The following FAT4 variants were observed in gnomAD, a reference collection of about 807,000 sequenced individuals.
The protein encoded by FAT4 is FAT atypical cadherin 4.
In FAT4, 84 loss-of-function variants were observed where a neutral mutation model predicts 303.9. That is an observed-to-expected ratio of 0.28 (90% CI 0.23 to 0.33). The LOEUF is 0.33. FAT4 is among the 10% of genes least tolerant of loss of function. The pLI, the probability that FAT4 is intolerant of heterozygous loss-of-function variation, is 1.00. For synonymous variants in FAT4, 2,307 were observed against 2,298.8 expected, an observed-to-expected ratio of 1.00 and a Z score of -0.10; for missense variants, 6,005 against 6,146.8, an observed-to-expected ratio of 0.98 and a Z score of 0.77.
chr4:125,439,615 A>C (rs1427225456), intron 8 of FAT4, among the ~76,000 whole-genome samples: 1 of 152,064 alleles, frequency 6.6e-6, no homozygotes, highest in Non-Finnish European at 1.5e-5. Flanking sequence ...CTGGGATTAC[A>C]GGCGTGAGCC....
At chr4:125,366,640 G>A (rs1732897417) in intron 2 of FAT4, among the ~76,000 whole-genome samples, 1 of 152,118 alleles carries the variant, frequency 6.6e-6, no homozygotes, top group African/African-American at 2.4e-5. Context: ...TGGGTTGAAT[G>A]GTATTTCTGT....
At chr4:125,353,805 C>T (rs1344284275) in intron 2 of FAT4, among the ~76,000 whole-genome samples, 2 of 151,446 alleles carry the variant, frequency 1.3e-5, no homozygotes, top group Non-Finnish European at 3.0e-5. Flanking sequence ...CTGAAAAATT[C>T]CAAATGAAGA....
intron 13 of FAT4, 36 bp downstream of exon 13, chr4:125,476,292 T>C: frequency 8.7e-7 from 1 of 1,143,410 alleles, no homozygotes; most frequent in South Asian, 1.6e-5. Flanking sequence ...TTATTATTAC[T>C]TAAAATTTTT....
At position 125,450,950 on chromosome 4, in the gene FAT4, C is replaced by T. The variant is rs1225250567; in HGVS notation, c.9940C>T (p.Pro3314Ser). 4 of 1,613,956 alleles carry T rather than the reference C, an allele frequency of 2.5e-6. No individual in the cohort carries two copies. The African/African-American group carries it at 4.0e-5, about 16-fold the overall frequency. The change falls in exon 10 of 18, where the codon CCT (proline) becomes TCT (serine). Residue 3314 changes from proline (P) to serine (S), a missense_variant. Coordinates refer to ENST00000394329, the MANE Select transcript of FAT4 (RefSeq NM_001291303.3). Reference sequence around the variant, plus strand: ...CTATTTTGAAATCTCAGAAGCAGCTCCTAAAGGTACTATTGTTGGAGAAGT... The same window carrying T: ...CTATTTTGAAATCTCAGAAGCAGCTTCTAAAGGTACTATTGTTGGAGAAGT... ...LYYFEISEAA[P>S]KGTIVGEVFA...
chr4:125,382,257 C>G (rs1012439352), intron 2 of FAT4, among the ~76,000 whole-genome samples: 5 of 152,136 alleles, frequency 3.3e-5, no homozygotes, highest in Admixed American at 2.6e-4. Context: ...TCAGAGAAAT[C>G]ACTATCTATG....
rs398122957 is a variant in FAT4 at position 125,452,471 on chromosome 4, C to T, written c.11461C>T (p.Arg3821Ter). The T allele has an allele frequency of 6.2e-7, 1 of 1,613,950 alleles. No individual in the cohort carries two copies. Among genetic ancestry groups the T allele is most frequent in the East Asian group, 2.2e-5 (1 of 44,858 alleles). ...ATGTCAGAATGGAGGGAGCTGTCTA[C>T]GAAGATTGGCTGTGAGCTCCGTATT... The part of the protein sequence containing the change: ...GPCQNGGSCL[R>*]RLAVSSVLKS... Residue 3821 changes from arginine (R) to a stop codon, truncating the protein, a stop_gained, in exon 10 of 18, where the codon CGA (arginine) becomes TGA (stop). Coordinates refer to ENST00000394329, the MANE Select transcript of FAT4 (RefSeq NM_001291303.3). LOFTEE classifies it high-confidence loss of function.
intron 2 of FAT4, among the ~76,000 whole-genome samples, chr4:125,371,002 G>T (rs1242678385): frequency 7.9e-5 from 12 of 151,960 alleles, no homozygotes; most frequent in Admixed American, 7.2e-4. Flanking sequence ...AAAAAAATTA[G>T]CCAGGCCTGG....
intron 2 of FAT4, among the ~76,000 whole-genome samples, chr4:125,375,579 A>G (rs767053882): frequency 1.3e-5 from 2 of 152,186 alleles, no homozygotes; most frequent in Non-Finnish European, 2.9e-5. Flanking sequence ...CTAATTTGTA[A>G]CTAGTTAGAC....
intron 3 of FAT4, among the ~76,000 whole-genome samples, chr4:125,399,958 A>G (rs951376922): frequency 2.8e-4 from 43 of 152,068 alleles, no homozygotes; most frequent in Non-Finnish European, 5.3e-4. Context: ...GCCATAATTC[A>G]GTAAATATTT....
At chr4:125,430,568 T>A (rs951131365) in intron 7 of FAT4, among the ~76,000 whole-genome samples, 3 of 152,062 alleles carry the variant, frequency 2.0e-5, no homozygotes, top group African/African-American at 7.2e-5. Context: ...GAAAAAAAAT[T>A]TTTAAAACTA....
chr4:125,403,605 A>G (rs1335770929), intron 3 of FAT4, among the ~76,000 whole-genome samples: 3 of 151,558 alleles, frequency 2.0e-5, no homozygotes, highest in African/African-American at 7.3e-5. Flanking sequence ...CTCATTCCCA[A>G]ATCTCTAATT....
intron 2 of FAT4, among the ~76,000 whole-genome samples, chr4:125,356,734 T>G (rs1732442350): frequency 6.7e-6 from 1 of 149,310 alleles, no homozygotes; most frequent in Non-Finnish European, 1.5e-5. Context: ...GAACATCATA[T>G]AGACAGATAT....
intron 3 of FAT4, among the ~76,000 whole-genome samples, chr4:125,403,785 T>C (rs10000328): frequency 0.039 from 5,877 of 152,246 alleles, 379 homozygotes; most frequent in African/African-American, 0.13. Flanking sequence ...AAAGACTTTT[T>C]TTTCTTTTTT....
chr4:125,364,919 G>T (rs1013199998), intron 2 of FAT4, among the ~76,000 whole-genome samples: 1 of 152,142 alleles, frequency 6.6e-6, no homozygotes, highest in Non-Finnish European at 1.5e-5. Flanking sequence ...TACATGAAAA[G>T]AAAACAGTTA....
intron 12 of FAT4, 144 bp from the exon 13 acceptor site, chr4:125,476,027 T>G: frequency 2.5e-6 from 1 of 402,158 alleles, no homozygotes; most frequent in African/African-American, 2.1e-5. Context: ...ATATTATAAT[T>G]ATGTGATTTA....
In FAT4 at chr4:125,481,577, A is replaced by C; in HGVS notation, c.12661A>C (p.Met4221Leu). 6.2e-7 allele frequency: 1 copy of C among 1,614,036 alleles called. No homozygotes were observed. Among genetic ancestry groups the C allele is most frequent in the East Asian group, 2.2e-5 (1 of 44,862 alleles). ...AGGCAAAGGGCGCTTGGACTACCAC[A>C]TGAGTCAGAATGAGAAGCGGGAATA... ...LEGKGRLDYH[M>L]SQNEKREYLL... The change falls in exon 16 of 18, where the codon ATG (methionine) becomes CTG (leucine). Residue 4221 changes from methionine (M) to leucine (L), a missense_variant. Coordinates refer to ENST00000394329, the MANE Select transcript of FAT4 (RefSeq NM_001291303.3).
intron 7 of FAT4, among the ~76,000 whole-genome samples, chr4:125,418,208 C>A (rs1735147546): frequency 6.6e-6 from 1 of 152,098 alleles, no homozygotes; most frequent in Non-Finnish European, 1.5e-5. Context: ...TGGAAAATAT[C>A]AAAGTGTTTC....
intron 2 of FAT4, among the ~76,000 whole-genome samples, chr4:125,326,129 T>C (rs572121985): frequency 2.6e-5 from 4 of 152,216 alleles, no homozygotes; most frequent in Admixed American, 1.3e-4. Flanking sequence ...ATTAGGTAAA[T>C]GGACTATGAT....
intron 2 of FAT4, among the ~76,000 whole-genome samples, chr4:125,353,334 C>T (rs573152860): frequency 1.3e-5 from 2 of 151,766 alleles, no homozygotes; most frequent in South Asian, 2.1e-4. Flanking sequence ...TGTTAGGCAT[C>T]ATCTCAACAT....
Sources: allele counts gnomAD v4.1 joint callset (sites outside exome capture counted in the v4.1 genomes callset), GRCh38; gene constraint gnomAD v4.1.1; transcripts MANE v1.5; gene names NCBI Gene and HGNC (gene_info 2026-07-23, HGNC 2026-07-21).